The following PAK3 variants were observed in gnomAD, a reference collection of about 807,000 sequenced individuals.
The protein encoded by PAK3 is p21 (RAC1) activated kinase 3, also known as serine/threonine-protein kinase PAK 3.
A neutral mutation model predicts 41.0 loss-of-function variants in PAK3; 4 were observed. That is an observed-to-expected ratio of 0.10 (90% CI 0.05 to 0.22). The LOEUF (loss-of-function observed/expected upper bound fraction) is 0.22. Among genes scored for constraint, PAK3 ranks in the 10% least tolerant of loss-of-function variants. PAK3 has a pLI of 1.00. For synonymous variants in PAK3, 146 were observed against 139.6 expected, an observed-to-expected ratio of 1.05 and a Z score of -0.32; for missense variants, 205 against 409.9, an observed-to-expected ratio of 0.50 and a Z score of 4.32.
intron 1 of PAK3, among the ~76,000 whole-genome samples, chrX:111,083,020 G>T: frequency 8.9e-6 from 1 of 112,292 alleles, no homozygotes; most frequent in Non-Finnish European, 1.9e-5. Context: ...TAGTGCCAAA[G>T]AAATATTTAA....
intron 1 of PAK3, among the ~76,000 whole-genome samples, chrX:111,058,495 T>C (rs1408120641): frequency 8.9e-6 from 1 of 111,833 alleles, no homozygotes; most frequent in Non-Finnish European, 1.9e-5. Flanking sequence ...GAAGAAATGT[T>C]CATTCAGATA....
Position 111,220,485 on chromosome X carries a change from T to TAAGAGG in PAK3, c.*42_*43insGGAAGA. ...TACACCTCACCATCTCCCTCATGAGTAAGACTGAAATAAAACTCTGCTGCA... is the reference window on the plus strand; with the variant it reads ...TACACCTCACCATCTCCCTCATGAGTAAGAGGAAGACTGAAATAAAACTCTGCTGCA... On this transcript the variant is annotated 3_prime_UTR_variant, in exon 18 of 18. Transcript: ENST00000372007. 2 of 887,031 alleles carry TAAGAGG rather than the reference T, an allele frequency of 2.3e-6. No homozygotes were observed. The highest frequency in any genetic ancestry group is 6.2e-5 in the East Asian group (2 of 32,028). The allele number at this position is 887,031 out of a possible 1,213,427, so 73.1% of individuals were successfully genotyped here. A position where few individuals can be genotyped will look rare whatever the true frequency, so the allele number is the denominator to read the frequency against.
intron 4 of PAK3, among the ~76,000 whole-genome samples, chrX:111,116,360 G>A (rs2093464251): frequency 9.0e-6 from 1 of 110,769 alleles, no homozygotes; most frequent in Admixed American, 9.6e-5. Flanking sequence ...ATCAATATTG[G>A]AAACAAAAAG....
At chrX:111,120,533 G>T (rs996592867) in intron 4 of PAK3, among the ~76,000 whole-genome samples, 2 of 111,553 alleles carry the variant, frequency 1.8e-5, no homozygotes, top group African/African-American at 6.5e-5. Flanking sequence ...AACCCTGGCT[G>T]GCTCAGACTC....
chrX:111,224,435 A>C lies in PAK3; in HGVS notation c.*3988A>C, dbSNP rs2094943439. On this transcript the variant is annotated 3_prime_UTR_variant, in exon 18 of 18. Transcript: ENST00000372007. ...AAGGATAAAATCCCCAGCTCCCACC[A>C]TTTTCTTGTCCAACAGGATATTACT... 9.0e-6 allele frequency: 1 copy of C among 111,721 alleles called. No homozygotes were observed. The highest frequency in any genetic ancestry group is 9.5e-5 in the Admixed American group (1 of 10,528). The allele number at this position is 111,721 out of a possible 1,213,427, so 9.2% of individuals were successfully genotyped here. A position where few individuals can be genotyped will look rare whatever the true frequency, so the allele number is the denominator to read the frequency against.
At chrX:111,006,849 C>CTTTCATTCTTTCT (rs1556434441) in intron 1 of PAK3, among the ~76,000 whole-genome samples, 2 of 42,726 alleles carry the variant, frequency 4.7e-5, no homozygotes, top group Non-Finnish European at 8.7e-5. Flanking sequence ...TTCTTTCTTT[C>CTTTCATTCTTTCT]TTTTTTTTTT....
chrX:111,105,356 A>G (rs933871591), intron 4 of PAK3, among the ~76,000 whole-genome samples: 1 of 111,564 alleles, frequency 9.0e-6, no homozygotes, highest in East Asian at 2.8e-4. Context: ...AAATTCCTGT[A>G]TAGTCATACA....
At chrX:111,048,200 C>A (rs918860739) in intron 1 of PAK3, among the ~76,000 whole-genome samples, 2 of 111,235 alleles carry the variant, frequency 1.8e-5, no homozygotes, top group African/African-American at 6.5e-5. Context: ...TTCCAGCTTT[C>A]CTCATCTCTC....
chrX:111,029,628 A>G (rs1258718687), intron 1 of PAK3, among the ~76,000 whole-genome samples: 2 of 111,949 alleles, frequency 1.8e-5, no homozygotes, highest in Admixed American at 1.9e-4. Flanking sequence ...TAAAAGATGA[A>G]TCGTCTGTCT....
At chrX:111,188,961 G>T (rs190985636) in intron 11 of PAK3, among the ~76,000 whole-genome samples, 6 of 111,554 alleles carry the variant, frequency 5.4e-5, no homozygotes, top group Non-Finnish European at 1.1e-4. Context: ...TATATGTGCA[G>T]GTATGTTACC....
intron 1 of PAK3, among the ~76,000 whole-genome samples, chrX:110,954,157 C>G (rs746585979): frequency 9.0e-6 from 1 of 111,729 alleles, no homozygotes; most frequent in East Asian, 2.8e-4. Context: ...TAGTGTACAC[C>G]AATTTGCCCC....
At chrX:111,161,785 G>T (rs1349865091) in intron 8 of PAK3, among the ~76,000 whole-genome samples, 2 of 111,063 alleles carry the variant, frequency 1.8e-5, no homozygotes, top group African/African-American at 6.6e-5. Flanking sequence ...TAGATATGTG[G>T]CATTATTTCT....
At chrX:111,051,590 G>T (rs1426817330) in intron 1 of PAK3, among the ~76,000 whole-genome samples, 1 of 111,439 alleles carries the variant, frequency 9.0e-6, no homozygotes, top group Admixed American at 9.5e-5. Context: ...CCCATCACTG[G>T]GTTGCTGATA....
At chrX:111,135,176 T>C (rs1255024047) in intron 5 of PAK3, among the ~76,000 whole-genome samples, 1 of 110,643 alleles carries the variant, frequency 9.0e-6, no homozygotes, top group Non-Finnish European at 1.9e-5. Context: ...AAGAGGACAA[T>C]GCAGAGGGAC....
intron 1 of PAK3, among the ~76,000 whole-genome samples, chrX:110,956,456 G>C (rs1373602499): frequency 9.0e-6 from 1 of 111,052 alleles, no homozygotes; most frequent in Non-Finnish European, 1.9e-5. Context: ...AATATTTCTG[G>C]TGCCTGTGAT....
chrX:111,100,997 C>T (rs1426370904), intron 3 of PAK3, among the ~76,000 whole-genome samples: 4 of 112,029 alleles, frequency 3.6e-5, no homozygotes, highest in East Asian at 2.8e-4. Flanking sequence ...TGACACAATA[C>T]GAATTAGACA....
chrX:111,216,110 T>C (rs2094876892), intron 16 of PAK3, among the ~76,000 whole-genome samples: 1 of 112,138 alleles, frequency 8.9e-6, no homozygotes, highest in Non-Finnish European at 1.9e-5. Flanking sequence ...AATCCTTTGG[T>C]TTAATTTTCT....
chrX:111,194,492 G>A (rs1328346848), intron 14 of PAK3, 74 bp downstream of exon 14: 1 of 617,427 alleles, frequency 1.6e-6, no homozygotes, highest in Admixed American at 2.2e-5. Flanking sequence ...TATTCAGAAT[G>A]TTTGTATCAT....
rs140745307 is a variant in PAK3, at chrX:111,138,011, T to C, written c.176-4085T>C. Among the ~76,000 whole-genome samples, 865 of 110,681 alleles carry C rather than the reference T, an allele frequency of 7.8e-3. 9 individuals are homozygous for C. The highest frequency in any genetic ancestry group is 0.027 in the African/African-American group (808 of 30,371). ...ACTGGTTTTCATCTAGGGTCTAGTT[T>C]ATTGCTAAACACTTACTGAAAGCTA... On this transcript the variant is annotated intron_variant, in intron 5 of 17. Coordinates refer to ENST00000372007, the MANE Select transcript of PAK3 (RefSeq NM_002578.5).
Sources: allele counts gnomAD v4.1 joint callset (sites outside exome capture counted in the v4.1 genomes callset), GRCh38; gene constraint gnomAD v4.1.1; transcripts MANE v1.5; gene names NCBI Gene and HGNC (gene_info 2026-07-23, HGNC 2026-07-21).